EDEM1: variants seen among roughly 807,000 people sequenced by gnomAD.
The protein encoded by EDEM1 is ER degradation enhancing alpha-mannosidase like protein 1.
Under a neutral mutation model 74.4 loss-of-function variants are expected in EDEM1, and 67 were observed. That is an observed-to-expected ratio of 0.90 (90% CI 0.74 to 1.10). The LOEUF is 1.10. Among genes scored for constraint, EDEM1 ranks in the 50% least tolerant of loss-of-function variants. The pLI is 0.00. For synonymous variants in EDEM1, 382 were observed against 335.9 expected, an observed-to-expected ratio of 1.14 and a Z score of -1.50; for missense variants, 926 against 851.6, an observed-to-expected ratio of 1.09 and a Z score of -1.09.
At chr3:5,202,042 G>T in intron 4 of EDEM1, 118 bp downstream of exon 4, 2 of 1,290,256 alleles carry the variant, frequency 1.6e-6, no homozygotes, top group Non-Finnish European at 2.1e-6. Context: ...GAGAAAAGCA[G>T]TGTCCTTAGA....
chr3:5,201,914 C>T lies in EDEM1; in HGVS notation c.848C>T (p.Pro283Leu). Reference protein sequence around the residue: ...PAFENTKTGIPYPRVNLKTGV... With the variant: ...PAFENTKTGILYPRVNLKTGV... The stretch of plus-strand genomic sequence containing the variant: ...TTTGAAAACACCAAGACAGGGATTC[C>T]ATATCCTCGGGTGGGTAGACTGGTT... The change falls in exon 4 of 12, where the codon CCA becomes CTA. Residue 283 changes from proline (P) to leucine (L), a missense_variant. Coordinates refer to ENST00000256497, the MANE Select transcript of EDEM1 (RefSeq NM_014674.3). 1 of 1,613,672 alleles carries T rather than the reference C, an allele frequency of 6.2e-7. No homozygotes were observed. Among genetic ancestry groups the T allele is most frequent in the Non-Finnish European group, 8.5e-7 (1 of 1,179,878 alleles).
intron 11 of EDEM1, among the ~76,000 whole-genome samples, chr3:5,214,739 C>T (rs542826341): frequency 1.3e-5 from 2 of 152,258 alleles, no homozygotes; most frequent in East Asian, 1.9e-4. Flanking sequence ...GATTTGGACC[C>T]AGGCAGTGTC....
intron 8 of EDEM1, among the ~76,000 whole-genome samples, chr3:5,209,808 C>T (rs966621430): frequency 6.6e-6 from 1 of 152,162 alleles, no homozygotes; most frequent in African/African-American, 2.4e-5. Flanking sequence ...GTGCCTGTGT[C>T]TTAAGTTTCT....
chr3:5,201,148 G>C (rs191105933), intron 3 of EDEM1, among the ~76,000 whole-genome samples: 1 of 151,284 alleles, frequency 6.6e-6, no homozygotes, highest in Non-Finnish European at 1.5e-5. Context: ...TCTGAGAACA[G>C]TTAGTACACT....
chr3:5,197,027 C>T (rs1205657062), intron 2 of EDEM1, among the ~76,000 whole-genome samples: 5 of 143,824 alleles, frequency 3.5e-5, no homozygotes, highest in South Asian at 4.4e-4. Context: ...CTCCTGGGTT[C>T]GAGTGATTCG....
chr3:5,203,110 G>C lies in EDEM1; in HGVS notation c.1003G>C (p.Ala335Pro). 1 of 1,607,164 alleles carries C rather than the reference G, an allele frequency of 6.2e-7. No individual in the cohort carries two copies. Residue 335 changes from alanine to proline, a missense_variant, in exon 5 of 12, where the codon GCC becomes CCC. Coordinates refer to ENST00000256497, the MANE Select transcript of EDEM1 (RefSeq NM_014674.3). ...FEWVARRAVK[A>P]LWNLRSNDTG... ...GTGGGTGGCCAGACGAGCAGTGAAA[G>C]CCCTTTGGAACCTCCGGAGCAATGA...
intron 8 of EDEM1, among the ~76,000 whole-genome samples, chr3:5,209,138 A>C (rs148156333): frequency 6.6e-6 from 1 of 152,162 alleles, no homozygotes; most frequent in African/African-American, 2.4e-5. Context: ...TTTATTCAAC[A>C]ATTTTTTTAT....
At chr3:5,188,585 A>G in intron 1 of EDEM1, 1 of 367,360 alleles carries the variant, frequency 2.7e-6, no homozygotes, top group Non-Finnish European at 4.8e-6. Flanking sequence ...GCGTGAGGAT[A>G]CTGAGGTCCA....
chr3:5,202,459 G>A (rs2055046131), intron 4 of EDEM1, among the ~76,000 whole-genome samples: 1 of 152,222 alleles, frequency 6.6e-6, no homozygotes, highest in Non-Finnish European at 1.5e-5. Context: ...GAACTCCTCT[G>A]GGAATTGAGT....
Position 5,207,284 on chromosome 3 carries a change from A to G in EDEM1, c.1338+11A>G, listed in dbSNP as rs749554335. ...TTCCCTGGACTGCAGGTATTTTGCC[A>G]TCAGATTTCCTAAGAATAACCAATC... On this transcript the variant is annotated intron_variant, in intron 7 of 11. Transcript: ENST00000256497. 3.1e-6 allele frequency: 5 copies of G among 1,613,332 alleles called. No homozygotes were observed. Among genetic ancestry groups the G allele is most frequent in the Admixed American group, 1.7e-5 (1 of 59,846 alleles).
chr3:5,193,917 C>A (rs1427152365), intron 1 of EDEM1, among the ~76,000 whole-genome samples: 1 of 152,186 alleles, frequency 6.6e-6, no homozygotes, highest in Admixed American at 6.5e-5. Flanking sequence ...ACTATAAATT[C>A]TTTGCTTTAG....
rs910616527 is a variant in EDEM1, at chr3:5,218,934, G to A, written c.*3016G>A. ...AGGGCTTTTCTTGTTTTAGATCATGGACTGTGCACGTGACACTTAAATAAT... is the reference window on the plus strand; with the variant it reads ...AGGGCTTTTCTTGTTTTAGATCATGAACTGTGCACGTGACACTTAAATAAT... On this transcript the variant is annotated 3_prime_UTR_variant, in exon 12 of 12. Transcript: ENST00000256497. The A allele has an allele frequency of 6.6e-6, 1 of 152,014 alleles. No individual in the cohort carries two copies. Among genetic ancestry groups the A allele is most frequent in the Non-Finnish European group, 1.5e-5 (1 of 68,010 alleles). The allele number at this position is 152,014 out of a possible 1,614,324, so 9.4% of individuals were successfully genotyped here.
chr3:5,200,114 T>C (rs1575586967), intron 3 of EDEM1, among the ~76,000 whole-genome samples: 1 of 152,116 alleles, frequency 6.6e-6, no homozygotes, highest in Admixed American at 6.5e-5. Flanking sequence ...GTATTTTCAG[T>C]AGAGATGAGA....
intron 2 of EDEM1, among the ~76,000 whole-genome samples, chr3:5,199,077 T>C (rs2055004697): frequency 6.6e-6 from 1 of 152,224 alleles, no homozygotes; most frequent in Non-Finnish European, 1.5e-5. Context: ...CCAAAAGATA[T>C]TACCACTATT....
chr3:5,200,637 G>C (rs1251494003), intron 3 of EDEM1, among the ~76,000 whole-genome samples: 1 of 152,050 alleles, frequency 6.6e-6, no homozygotes, highest in Non-Finnish European at 1.5e-5. Context: ...AATTAAATTG[G>C]TGAAAACCTT....
chr3:5,219,707 A>T lies in EDEM1; in HGVS notation c.*3789A>T, dbSNP rs1239038474. ...AGAAAGGTAAATCTTTTTACAAAAA[A>T]AAGTATAGAGTTGGAAACTCTGGGA... On this transcript the variant is annotated 3_prime_UTR_variant, in exon 12 of 12. Coordinates refer to ENST00000256497, the MANE Select transcript of EDEM1 (RefSeq NM_014674.3). 6.5e-6 allele frequency: 1 copy of T among 152,702 alleles called. No individual in the cohort carries two copies. Among genetic ancestry groups the T allele is most frequent in the African/African-American group, 2.4e-5 (1 of 41,472 alleles). 9.5% of individuals were successfully genotyped at this position (152,702 alleles called of 1,614,324 possible). A position where few individuals can be genotyped will look rare whatever the true frequency, so the allele number is the denominator to read the frequency against.
At position 5,215,978 on chromosome 3, in the gene EDEM1, CA is replaced by C. The variant is rs1392286597; in HGVS notation, c.*63del. The C allele has an allele frequency of 5.6e-6, 8 of 1,416,524 alleles. No homozygotes were observed. The highest frequency in any genetic ancestry group is 7.9e-6 in the Non-Finnish European group (8 of 1,016,826). 87.7% of individuals were successfully genotyped at this position (1,416,524 alleles called of 1,614,324 possible). On this transcript the variant is annotated 3_prime_UTR_variant, in exon 12 of 12. Coordinates refer to ENST00000256497, the MANE Select transcript of EDEM1 (RefSeq NM_014674.3). ...CTTAACGACCAAACCCAGACCATGC[CA>C]AAGTCCAGTCTGAAATGAAAGGGGA...
chr3:5,188,153 G>C lies in EDEM1; in HGVS notation c.348G>C (p.Lys116Asn). 6.5e-7 allele frequency: 1 copy of C among 1,541,914 alleles called. No homozygotes were observed. The highest frequency in any genetic ancestry group is 8.7e-7 in the Non-Finnish European group (1 of 1,144,658). ...GCCGCGGCCCGGACGAGTACGAGAA[G>C]CGCTACAGCGGCGCCTTCCCTCCGC... ...GRGRGPDEYE[K>N]RYSGAFPPQL... The change falls in exon 1 of 12, where the codon AAG (lysine) becomes AAC (asparagine). Residue 116 changes from lysine to asparagine, a missense_variant. Lys to Asn is a moderately conservative substitution (Grantham distance 94). Coordinates refer to ENST00000256497, the MANE Select transcript of EDEM1 (RefSeq NM_014674.3).
At chr3:5,208,462 A>C (rs1251811975) in intron 8 of EDEM1, among the ~76,000 whole-genome samples, 199 bp downstream of exon 8, 1 of 152,124 alleles carries the variant, frequency 6.6e-6, no homozygotes, top group East Asian at 1.9e-4. Flanking sequence ...TCTGCAGTCA[A>C]ATATGTTTTT....
Sources: allele counts gnomAD v4.1 joint callset (sites outside exome capture counted in the v4.1 genomes callset), GRCh38; gene constraint gnomAD v4.1.1; transcripts MANE v1.5; gene names NCBI Gene and HGNC (gene_info 2026-07-23, HGNC 2026-07-21).